PIN4: variants seen among roughly 807,000 people sequenced by gnomAD.
PIN4 encodes the protein peptidyl-prolyl cis-trans isomerase NIMA-interacting 4.
PIN4 carries 3 observed loss-of-function variants against 8.3 expected under a neutral mutation model. That is an observed-to-expected ratio of 0.36 (90% CI 0.16 to 0.93). The LOEUF (loss-of-function observed/expected upper bound fraction) is 0.93, where lower values mean the gene tolerates loss of function less well. Among genes scored for constraint, PIN4 ranks in the 40% least tolerant of loss-of-function variants. The probability of loss-of-function intolerance (pLI) is 0.44; values close to 1 mark genes in which losing one functional copy is unlikely to be tolerated. For synonymous variants in PIN4, 18 were observed against 32.5 expected (o/e 0.55, Z 1.52); for missense variants, 75 against 100.6 (o/e 0.75, Z 1.09).
intron 3 of PIN4, among the ~76,000 whole-genome samples, chrX:72,213,102 C>G (rs1410650940): frequency 8.9e-6 from 1 of 112,347 alleles, no homozygotes; most frequent in African/African-American, 3.2e-5. Context: ...GAGCCTAGAC[C>G]TGCTAATCTC....
In PIN4 at chrX:72,197,852, G is replaced by A; in HGVS notation, c.*326G>A. On this transcript the variant is annotated 3_prime_UTR_variant, in exon 4 of 4. Transcript: ENST00000373669. The stretch of plus-strand genomic sequence containing the variant: ...TAAATTAATTCAGAAACCATCTTCA[G>A]GGGAAGCAGATATCAACTCACACTA... The A allele has an allele frequency of 2.6e-6, 2 of 773,742 alleles. No homozygotes were observed. Among genetic ancestry groups the A allele is most frequent in the Non-Finnish European group, 3.1e-6 (2 of 650,208 alleles). 63.8% of individuals were successfully genotyped at this position (773,742 alleles called of 1,213,427 possible).
chrX:72,203,311 C>T (rs1569489338), downstream of PIN4, among the ~76,000 whole-genome samples: 1 of 111,809 alleles, frequency 8.9e-6, no homozygotes, highest in Non-Finnish European at 1.9e-5. Context: ...AGTAAGTAAA[C>T]GTTTCCTGAG....
chrX:72,196,038 G>A lies in PIN4; in HGVS notation c.118-747G>A, dbSNP rs757853949. Reference sequence around the variant, plus strand: ...GGAGGCTAAGGCAAGAGAATTGCTTGAACCCGGGAGGCAGAGGTTGCAGTG... The same window carrying A: ...GGAGGCTAAGGCAAGAGAATTGCTTAAACCCGGGAGGCAGAGGTTGCAGTG... On this transcript the variant is annotated intron_variant, in intron 2 of 3. Coordinates refer to ENST00000373669, the MANE Select transcript of PIN4 (RefSeq NM_006223.4). Among the ~76,000 whole-genome samples, 364 of 110,748 alleles carry A rather than the reference G, an allele frequency of 3.3e-3. 5 individuals are homozygous for A. The highest frequency in any genetic ancestry group is 0.011 in the African/African-American group (347 of 30,276).
At chrX:72,204,360 A>T (rs748696682) in intron 3 of PIN4, among the ~76,000 whole-genome samples, 2 of 112,480 alleles carry the variant, frequency 1.8e-5, no homozygotes, top group Non-Finnish European at 3.7e-5. Context: ...GCATGGGAGA[A>T]TCTGGGCCTG....
intron 1 of PIN4, among the ~76,000 whole-genome samples, chrX:72,185,495 C>T (rs1322290182): frequency 8.9e-6 from 1 of 112,131 alleles, no homozygotes; most frequent in Non-Finnish European, 1.9e-5. Flanking sequence ...TGAAATGATC[C>T]GTCTTCCTCA....
intron 2 of PIN4, among the ~76,000 whole-genome samples, chrX:72,194,332 C>T (rs1032510196): frequency 6.3e-5 from 7 of 111,554 alleles, no homozygotes; most frequent in Non-Finnish European, 5.6e-5. Flanking sequence ...GTCAGGAGTT[C>T]GAGACCAGCC....
downstream of PIN4, among the ~76,000 whole-genome samples, chrX:72,200,567 T>C (rs2042786487): frequency 8.9e-6 from 1 of 112,268 alleles, no homozygotes; most frequent in Non-Finnish European, 1.9e-5. Flanking sequence ...TACAAGGATA[T>C]TCATTACAGC....
downstream of PIN4, chrX:72,198,470 G>C (rs769207941): frequency 6.1e-5 from 12 of 197,698 alleles, no homozygotes; most frequent in Non-Finnish European, 8.4e-5. Context: ...AAGAGTTTCT[G>C]AGCACCTCAG....
chrX:72,217,411 TA>T (rs2042892629), intron 3 of PIN4, among the ~76,000 whole-genome samples: 1 of 111,747 alleles, frequency 8.9e-6, no homozygotes, highest in Non-Finnish European at 1.9e-5. Flanking sequence ...CCAAAGCCAA[TA>T]ACCAGATAAT....
chrX:72,193,110 G>A (rs147478067), intron 2 of PIN4, among the ~76,000 whole-genome samples: 2,171 of 111,307 alleles, frequency 0.02, 41 homozygotes, highest in African/African-American at 0.054. Flanking sequence ...TTGCCAGTTC[G>A]TTGGTCACAC....
chrX:72,244,605 C>A (rs768380407), intron 3 of PIN4, among the ~76,000 whole-genome samples: 1 of 111,763 alleles, frequency 8.9e-6, no homozygotes, highest in African/African-American at 3.3e-5. Flanking sequence ...AGACCCTGAA[C>A]CTGTGACAGA....
chrX:72,208,337 G>A, intron 3 of PIN4: 1 of 1,211,715 alleles, frequency 8.3e-7, no homozygotes, highest in Non-Finnish European at 1.1e-6. Flanking sequence ...TGATTCACAA[G>A]TGATGCATCA....
chrX:72,233,825 T>A (rs759028356), intron 3 of PIN4, among the ~76,000 whole-genome samples: 6 of 109,392 alleles, frequency 5.5e-5, no homozygotes, highest in Admixed American at 9.8e-5. Flanking sequence ...GAATATGGTT[T>A]TTTTTTTGAC....
intron 3 of PIN4, chrX:72,205,862 T>C (rs753436230): frequency 1.7e-6 from 2 of 1,211,767 alleles, no homozygotes; most frequent in Non-Finnish European, 2.2e-6. Context: ...AAAGACTGAC[T>C]GGAAAAATTT....
At position 72,236,422 on chromosome X, in the gene PIN4, A is replaced by G. The variant is rs1328267865; in HGVS notation, c.313-26285A>G. Among the ~76,000 whole-genome samples, 4 of 111,507 alleles carry G rather than the reference A, an allele frequency of 3.6e-5. No individual in the cohort carries two copies. In the South Asian group the frequency reaches 1.1e-3, roughly 32 times the overall value. ...GAAGCAATTCTGCCTCAGCCTCCCA[A>G]GTAGCTGGGATTACAGGTGCCCGCC... On this transcript the variant is annotated intron_variant, in intron 3 of 3. Coordinates refer to the PIN4 transcript ENST00000423432.
At chrX:72,185,978 C>T (rs1019506521) in intron 1 of PIN4, among the ~76,000 whole-genome samples, 5 of 111,833 alleles carry the variant, frequency 4.5e-5, no homozygotes, top group Non-Finnish European at 9.4e-5. Flanking sequence ...GGCCAGGCTT[C>T]CGGAGCTTTC....
intron 3 of PIN4, among the ~76,000 whole-genome samples, chrX:72,237,096 G>A (rs978969183): frequency 2.7e-5 from 3 of 112,200 alleles, no homozygotes; most frequent in Non-Finnish European, 5.6e-5. Context: ...CATTCCCTAA[G>A]ACCCAGCAAT....
chrX:72,206,176 C>G (rs1327596330), intron 3 of PIN4: 1 of 1,210,277 alleles, frequency 8.3e-7, no homozygotes, highest in Non-Finnish European at 1.1e-6. Flanking sequence ...ATAATTAAAA[C>G]TTTCCAGAGG....
chrX:72,222,987 C>T (rs2042933416), intron 3 of PIN4, among the ~76,000 whole-genome samples: 1 of 109,020 alleles, frequency 9.2e-6, no homozygotes, highest in Non-Finnish European at 1.9e-5. Context: ...AAACTTTTCT[C>T]CACTTCCAAT....
Sources: allele counts gnomAD v4.1 joint callset (sites outside exome capture counted in the v4.1 genomes callset), GRCh38; gene constraint gnomAD v4.1.1; transcripts MANE v1.5; gene names NCBI Gene and HGNC (gene_info 2026-07-23, HGNC 2026-07-21).